Variants in MARCHF1 observed in about 807,000 individuals in gnomAD.
The protein encoded by MARCHF1 is membrane associated ring-CH-type finger 1.
A neutral mutation model predicts 54.2 loss-of-function variants in MARCHF1; 40 were observed. The observed-to-expected ratio is 0.74, with a 90% CI of 0.57 to 0.96. The LOEUF is 0.96. Among genes scored for constraint, MARCHF1 ranks in the 40% least tolerant of loss-of-function variants. MARCHF1 has a pLI of 0.00. For synonymous variants in MARCHF1, 236 were observed against 236.3 expected (o/e 1.00, Z 0.01); for missense variants, 586 against 656.5 (o/e 0.89, Z 1.17).
chr4:164,317,590 G>A (rs746081036), intron 1 of MARCHF1, among the ~76,000 whole-genome samples: 9 of 152,168 alleles, frequency 5.9e-5, no homozygotes, highest in Non-Finnish European at 1.0e-4. Flanking sequence ...CTCATTGACA[G>A]GAACTCAGTC....
intron 3 of MARCHF1, among the ~76,000 whole-genome samples, chr4:163,892,028 A>G (rs903639496): frequency 6.6e-6 from 1 of 152,190 alleles, no homozygotes. Flanking sequence ...AAAACAAAGA[A>G]CAAATTGAAA....
chr4:164,140,977 G>C (rs548188127), intron 1 of MARCHF1, among the ~76,000 whole-genome samples: 87 of 152,148 alleles, frequency 5.7e-4, no homozygotes, highest in Non-Finnish European at 9.8e-4. Flanking sequence ...AAACCTATTT[G>C]CTACCCCACG....
At chr4:163,910,607 G>A (rs1751168770) in intron 3 of MARCHF1, among the ~76,000 whole-genome samples, 2 of 152,140 alleles carry the variant, frequency 1.3e-5, no homozygotes, top group South Asian at 4.1e-4. Context: ...TGATTCCCCT[G>A]CCTCAGCCTC....
chr4:164,139,556 A>G (rs1196532580), intron 1 of MARCHF1, among the ~76,000 whole-genome samples: 3 of 152,036 alleles, frequency 2.0e-5, no homozygotes, highest in Non-Finnish European at 4.4e-5. Context: ...TTCTGTCACA[A>G]AGGGGCTGGG....
intron 1 of MARCHF1, among the ~76,000 whole-genome samples, chr4:164,363,839 A>G (rs1223624105): frequency 2.6e-5 from 4 of 151,664 alleles, no homozygotes; most frequent in African/African-American, 9.7e-5. Context: ...TAGCTCTCCT[A>G]TTGAGTAGAG....
chr4:163,533,577 A>G (rs1439310741), intron 9 of MARCHF1, among the ~76,000 whole-genome samples: 2 of 151,598 alleles, frequency 1.3e-5, no homozygotes, highest in African/African-American at 2.4e-5. Context: ...ATAACAGGAG[A>G]AACCTTGTGT....
intron 5 of MARCHF1, among the ~76,000 whole-genome samples, chr4:163,681,422 C>G (rs184660741): frequency 6.6e-6 from 1 of 152,234 alleles, no homozygotes; most frequent in Non-Finnish European, 1.5e-5. Context: ...GTGATAGTCA[C>G]ATCATAGGCT....
chr4:163,910,896 C>T (rs572373331), intron 3 of MARCHF1, among the ~76,000 whole-genome samples: 1 of 152,248 alleles, frequency 6.6e-6, no homozygotes, highest in African/African-American at 2.4e-5. Context: ...GCTACATGTT[C>T]GACTCCTGAC....
At chr4:164,011,242 G>A (rs1202017469) in intron 2 of MARCHF1, among the ~76,000 whole-genome samples, 1 of 152,094 alleles carries the variant, frequency 6.6e-6, no homozygotes, top group African/African-American at 2.4e-5. Flanking sequence ...CGAAAGCACA[G>A]GCAATAGAAC....
chr4:164,072,598 T>C (rs920830371), intron 2 of MARCHF1, among the ~76,000 whole-genome samples: 3 of 150,750 alleles, frequency 2.0e-5, no homozygotes, highest in Admixed American at 1.3e-4. Context: ...TAGAAACAGA[T>C]AAACTTTAAA....
chr4:163,756,078 T>G (rs1280454827), intron 4 of MARCHF1, among the ~76,000 whole-genome samples: 1 of 152,212 alleles, frequency 6.6e-6, no homozygotes, highest in African/African-American at 2.4e-5. Flanking sequence ...TAAGGATATT[T>G]GTGACTTTTT....
chr4:164,170,941 T>C (rs181299341), intron 1 of MARCHF1, among the ~76,000 whole-genome samples: 9 of 152,210 alleles, frequency 5.9e-5, no homozygotes, highest in Admixed American at 5.9e-4. Context: ...CTCCTATGTA[T>C]GTTAACAAAG....
intron 1 of MARCHF1, among the ~76,000 whole-genome samples, chr4:164,304,746 ATTAC>A: frequency 6.6e-6 from 1 of 152,254 alleles, no homozygotes; most frequent in East Asian, 1.9e-4. Context: ...AAAATTTTGC[ATTAC>A]TGATGTATCC....
At chr4:164,099,791 T>C (rs182449553) in intron 2 of MARCHF1, among the ~76,000 whole-genome samples, 10 of 152,140 alleles carry the variant, frequency 6.6e-5, no homozygotes, top group African/African-American at 9.7e-5. Context: ...ATATCAAAAA[T>C]ATATGTATAA....
At chr4:164,249,686 G>A (rs1208535110) in intron 1 of MARCHF1, among the ~76,000 whole-genome samples, 4 of 151,312 alleles carry the variant, frequency 2.6e-5, no homozygotes, top group African/African-American at 7.3e-5. Context: ...GCTAGGGGTC[G>A]GGGAGAACAG....
chr4:163,745,867 G>A (rs1479290663), intron 4 of MARCHF1, among the ~76,000 whole-genome samples: 1 of 151,822 alleles, frequency 6.6e-6, no homozygotes, highest in African/African-American at 2.4e-5. Flanking sequence ...TTATTTTTTA[G>A]AGCCGTTTTA....
intron 5 of MARCHF1, among the ~76,000 whole-genome samples, chr4:163,666,972 T>C (rs1222392802): frequency 1.3e-5 from 2 of 152,096 alleles, no homozygotes; most frequent in Non-Finnish European, 2.9e-5. Flanking sequence ...TGCTTTGTTG[T>C]TTAATTAATA....
chr4:163,847,634 G>T (rs1270407369), intron 4 of MARCHF1, among the ~76,000 whole-genome samples: 1 of 120,274 alleles, frequency 8.3e-6, no homozygotes. Context: ...AGGCTGGAGT[G>T]CAGTGGTGAG....
chr4:163,716,234 CAACAAT>C (rs1029732069), intron 4 of MARCHF1, among the ~76,000 whole-genome samples: 3 of 135,668 alleles, frequency 2.2e-5, no homozygotes, highest in East Asian at 1.9e-4. Context: ...ACAACAACAA[CAACAAT>C]ACAAGTATTC....
Sources: allele counts gnomAD v4.1 joint callset (sites outside exome capture counted in the v4.1 genomes callset), GRCh38; gene constraint gnomAD v4.1.1; transcripts MANE v1.5; gene names NCBI Gene and HGNC (gene_info 2026-07-23, HGNC 2026-07-21).